Variants in FHIT observed in about 807,000 individuals in gnomAD.
FHIT encodes the protein fragile histidine triad diadenosine triphosphatase.
A neutral mutation model predicts 17.9 loss-of-function variants in FHIT; 19 were observed. The observed-to-expected ratio is 1.06, with a 90% confidence interval of 0.74 to 1.56. The LOEUF (loss-of-function observed/expected upper bound fraction) is 1.56, where lower values mean the gene tolerates loss of function less well. FHIT is among the 40% of genes most tolerant of loss of function. The probability of loss-of-function intolerance (pLI) is 0.00; values close to 1 mark genes in which losing one functional copy is unlikely to be tolerated. For missense variants in FHIT, 248 were observed against 189.2 expected (o/e 1.31, Z -1.82); for synonymous variants, 81 against 69.7 (o/e 1.16, Z -0.81).
intron 7 of FHIT, among the ~76,000 whole-genome samples, chr3:59,960,093 G>A (rs1056972382): frequency 3.3e-5 from 5 of 152,110 alleles, no homozygotes; most frequent in African/African-American, 1.2e-4. Context: ...GGGTGGCAGT[G>A]GAAACCACTG....
intron 8 of FHIT, among the ~76,000 whole-genome samples, chr3:59,809,561 C>A (rs912252642): frequency 2.0e-5 from 3 of 152,124 alleles, no homozygotes; most frequent in African/African-American, 4.8e-5. Flanking sequence ...AATTGTACAA[C>A]CCTATTTGAA....
chr3:60,276,880 G>A (rs1707167738), intron 5 of FHIT, among the ~76,000 whole-genome samples: 1 of 152,080 alleles, frequency 6.6e-6, no homozygotes, highest in Non-Finnish European at 1.5e-5. Flanking sequence ...CTCACAGACT[G>A]AGAACAAACT....
At chr3:60,147,438 G>C (rs772239973) in intron 5 of FHIT, among the ~76,000 whole-genome samples, 8 of 152,124 alleles carry the variant, frequency 5.3e-5, no homozygotes, top group Non-Finnish European at 1.0e-4. Flanking sequence ...AGGCACTATA[G>C]GAGCAAGATG....
At position 60,518,201 on chromosome 3, in the gene FHIT, T is replaced by C. The variant is rs541003586; in HGVS notation, c.103+18659A>G. 2.0e-5 allele frequency among the ~76,000 whole-genome samples: 3 copies of C among 152,238 alleles called. No homozygotes were observed. The South Asian group carries it at 6.2e-4, about 32-fold the overall frequency. ...CATGTTAATAACATCTTAAAGAAACTGAAGAGGCTAGGGCCAAAAAAGGAA... is the reference window on the plus strand; with the variant it reads ...CATGTTAATAACATCTTAAAGAAACCGAAGAGGCTAGGGCCAAAAAAGGAA... On this transcript the variant is annotated intron_variant, in intron 5 of 9. Coordinates refer to ENST00000492590, the MANE Select transcript of FHIT (RefSeq NM_002012.4).
chr3:60,561,475 A>G (rs1352169195), intron 4 of FHIT, among the ~76,000 whole-genome samples: 2 of 149,290 alleles, frequency 1.3e-5, no homozygotes, highest in African/African-American at 4.9e-5. Context: ...TCCCAGCCTC[A>G]GATGATGGGG....
intron 5 of FHIT, among the ~76,000 whole-genome samples, chr3:60,131,775 T>C (rs1699606752): frequency 6.6e-6 from 1 of 152,106 alleles, no homozygotes; most frequent in East Asian, 1.9e-4. Flanking sequence ...GCCTTCTACC[T>C]GGTAGCCTCT....
intron 1 of FHIT, among the ~76,000 whole-genome samples, chr3:61,240,614 A>G (rs1169204405): frequency 4.6e-5 from 7 of 152,232 alleles, no homozygotes; most frequent in African/African-American, 1.7e-4. Flanking sequence ...AGCCCATACA[A>G]TTGAGTCTCT....
At chr3:59,799,103 TAA>T (rs1559616264) in intron 8 of FHIT, among the ~76,000 whole-genome samples, 1 of 60,868 alleles carries the variant, frequency 1.6e-5, no homozygotes, top group Non-Finnish European at 3.9e-5. Flanking sequence ...GAAATCTACT[TAA>T]ATATTTTTTA....
At chr3:60,614,453 A>G (rs556227147) in intron 4 of FHIT, among the ~76,000 whole-genome samples, 1 of 152,162 alleles carries the variant, frequency 6.6e-6, no homozygotes, top group South Asian at 2.1e-4. Context: ...AAAATACACA[A>G]ATTATCTGGG....
chr3:60,955,996 A>G (rs1208620913), intron 3 of FHIT, among the ~76,000 whole-genome samples: 1 of 152,192 alleles, frequency 6.6e-6, no homozygotes, highest in Non-Finnish European at 1.5e-5. Context: ...CAATTCAAGA[A>G]TAGATACAAC....
intron 5 of FHIT, among the ~76,000 whole-genome samples, chr3:60,286,544 T>G (rs1707738423): frequency 6.6e-6 from 1 of 152,158 alleles, no homozygotes; most frequent in African/African-American, 2.4e-5. Context: ...TGGTACCCAA[T>G]CTTTCTCTCA....
intron 5 of FHIT, among the ~76,000 whole-genome samples, chr3:60,275,658 G>GCA (rs1576406055): frequency 6.6e-6 from 1 of 152,214 alleles, no homozygotes; most frequent in African/African-American, 2.4e-5. Context: ...CCTGTGACCA[G>GCA]CACAGTGGTT....
intron 2 of FHIT, among the ~76,000 whole-genome samples, chr3:61,073,191 G>C (rs2106747270): frequency 6.6e-6 from 1 of 152,324 alleles, no homozygotes; most frequent in Non-Finnish European, 1.5e-5. Flanking sequence ...AGGTTCCCTA[G>C]ATAGATCAGG....
intron 8 of FHIT, among the ~76,000 whole-genome samples, chr3:59,857,531 A>AT (rs1702209091): frequency 6.6e-6 from 1 of 151,286 alleles, no homozygotes; most frequent in Non-Finnish European, 1.5e-5. Context: ...ATAGGACAAG[A>AT]TTATACAAAT....
intron 4 of FHIT, among the ~76,000 whole-genome samples, chr3:60,569,224 T>C (rs2037249796): frequency 6.6e-6 from 1 of 152,254 alleles, no homozygotes; most frequent in South Asian, 2.1e-4. Flanking sequence ...TTCCAGGATG[T>C]AGAACAGTTG....
chr3:60,638,222 C>T (rs1473932213), intron 4 of FHIT, among the ~76,000 whole-genome samples: 7 of 152,140 alleles, frequency 4.6e-5, no homozygotes, highest in African/African-American at 1.7e-4. Context: ...AAAGTAACAA[C>T]ACGACATGGA....
At chr3:60,414,252 G>T (rs1262050735) in intron 5 of FHIT, among the ~76,000 whole-genome samples, 1 of 152,182 alleles carries the variant, frequency 6.6e-6, no homozygotes, top group Non-Finnish European at 1.5e-5. Flanking sequence ...CTGGAGTCAG[G>T]CAGATAACTT....
intron 4 of FHIT, among the ~76,000 whole-genome samples, chr3:60,706,732 C>A (rs1386508912): frequency 2.0e-5 from 3 of 152,162 alleles, no homozygotes; most frequent in Non-Finnish European, 4.4e-5. Flanking sequence ...CCCATTTGGT[C>A]TGATTCATTT....
In FHIT at chr3:60,558,118, C is replaced by T. The variant is rs184468667; in HGVS notation, c.-17-21139G>A. ...GGCATCACTTGACTGCTACCTGTGT[C>T]GTCTTTGCCTTTGTGTATCGCAAAG... On this transcript the variant is annotated intron_variant, in intron 4 of 9. Coordinates refer to ENST00000492590, the MANE Select transcript of FHIT (RefSeq NM_002012.4). Among the ~76,000 whole-genome samples, 59 of 152,194 alleles carry T rather than the reference C, an allele frequency of 3.9e-4. No homozygotes were observed. In the South Asian group the frequency reaches 5.2e-3, roughly 13 times the overall value.
Sources: gnomAD v4.1 joint callset for allele counts (sites outside exome capture counted in the v4.1 genomes callset) on GRCh38, gnomAD v4.1.1 for gene constraint, MANE v1.5 for transcripts, NCBI Gene and HGNC (gene_info 2026-07-23, HGNC 2026-07-21) for gene names.